The following CLCN5 variants were observed in gnomAD, a reference collection of about 807,000 sequenced individuals.
CLCN5 encodes the protein H(+)/Cl(-) exchange transporter 5.
A neutral mutation model predicts 54.0 loss-of-function variants in CLCN5; 17 were observed. That is an observed-to-expected ratio of 0.31 (90% confidence interval 0.22 to 0.47). The LOEUF is 0.47. Ranked by LOEUF, CLCN5 falls within the 20% of genes least tolerant of loss-of-function variation. The pLI is 1.00. For synonymous variants in CLCN5, 222 were observed against 233.0 expected (o/e 0.95, Z 0.43); for missense variants, 448 against 646.7 (o/e 0.69, Z 3.33).
In CLCN5 at chrX:49,957,780, A is replaced by G. The variant is rs782395468; in HGVS notation, c.16+32466A>G. Among the ~76,000 whole-genome samples the G allele has an allele frequency of 3.6e-5, 4 of 112,314 alleles. No individual in the cohort carries two copies. The South Asian group carries it at 1.5e-3, about 42-fold the overall frequency. On this transcript the variant is annotated intron_variant, in intron 3 of 14. Transcript: ENST00000376091. ...TTCTTTAAAAACTCTTTTTATTTTA[A>G]AAACAATTATTGATTCAGATAATTA...
rs67216427 is a variant in CLCN5 at position 49,989,074 on chromosome X, CTT to C, written c.17-53228_17-53227del. ...TCTACTTACACTTAATATCATACCTCTTTTTTTTTTTTTTTGGAGACAGGTTC... is the reference window on the plus strand; with the variant it reads ...TCTACTTACACTTAATATCATACCTCTTTTTTTTTTTTTGGAGACAGGTTC... On this transcript the variant is annotated intron_variant, in intron 3 of 14. Transcript: ENST00000376091. Among the ~76,000 whole-genome samples, 749 of 97,808 alleles carry C rather than the reference CTT, an allele frequency of 7.7e-3. 14 individuals are homozygous for C. Among genetic ancestry groups the C allele is most frequent in the African/African-American group, 0.027 (702 of 25,617 alleles). 84.9% of individuals were successfully genotyped at this position (97,808 alleles called of 115,157 possible). A position where few individuals can be genotyped will look rare whatever the true frequency, so the allele number is the denominator to read the frequency against.
intron 3 of CLCN5, among the ~76,000 whole-genome samples, chrX:49,966,156 T>G (rs1273565439): frequency 1.8e-5 from 2 of 111,558 alleles, no homozygotes; most frequent in Admixed American, 9.6e-5. Context: ...TATTATTTCT[T>G]CCTTCAATGT....
intron 3 of CLCN5, among the ~76,000 whole-genome samples, chrX:49,964,102 G>A (rs1381927092): frequency 8.9e-6 from 1 of 112,129 alleles, no homozygotes; most frequent in Non-Finnish European, 1.9e-5. Context: ...AAACGATGTC[G>A]AGAAAAATTG....
rs1469578420 is a variant in CLCN5 at position 50,092,640 on chromosome X, A to T, written c.*421A>T. ...GGGATCTAACTGTTGTTACTGGAAGACGAAGTGTAAACTAAGGGGCTTTGC... is the reference window on the plus strand; with the variant it reads ...GGGATCTAACTGTTGTTACTGGAAGTCGAAGTGTAAACTAAGGGGCTTTGC... On this transcript the variant is annotated 3_prime_UTR_variant, in exon 15 of 15. Transcript: ENST00000376091. 7.4e-6 allele frequency: 1 copy of T among 134,842 alleles called. No individual in the cohort carries two copies. The highest frequency in any genetic ancestry group is 1.5e-5 in the Non-Finnish European group (1 of 66,960). The allele number at this position is 134,842 out of a possible 1,213,427, so 11.1% of individuals were successfully genotyped here.
At chrX:50,001,309 T>C (rs1929792977) in intron 3 of CLCN5, among the ~76,000 whole-genome samples, 1 of 110,881 alleles carries the variant, frequency 9.0e-6, no homozygotes, top group Non-Finnish European at 1.9e-5. Context: ...ACATATCCTG[T>C]CTAAAAATAA....
chrX:50,056,529 C>T (rs1400244121), intron 4 of CLCN5, among the ~76,000 whole-genome samples: 1 of 111,832 alleles, frequency 8.9e-6, no homozygotes, highest in Non-Finnish European at 1.9e-5. Context: ...ACATTGCTTT[C>T]TGTGGCATCT....
chrX:50,076,959 C>G (rs1354877774), intron 7 of CLCN5, among the ~76,000 whole-genome samples: 1 of 112,157 alleles, frequency 8.9e-6, no homozygotes, highest in Non-Finnish European at 1.9e-5. Flanking sequence ...AAAAAACTCT[C>G]AACTCCCAAT....
At chrX:50,002,731 C>T (rs782749041) in intron 3 of CLCN5, among the ~76,000 whole-genome samples, 12 of 107,507 alleles carry the variant, frequency 1.1e-4, no homozygotes, top group Admixed American at 7.1e-4. Context: ...TGTGTGTGGA[C>T]ACAAAGTGGT....
intron 3 of CLCN5, chrX:50,013,193 T>G (rs901550427): frequency 1.5e-5 from 4 of 260,783 alleles, no homozygotes; most frequent in African/African-American, 3.0e-5. Context: ...CTTTCTGTCT[T>G]TCTTTCTCTC....
intron 11 of CLCN5, 65 bp from the exon 12 acceptor site, chrX:50,088,633 G>T (rs1274100415): frequency 1.4e-5 from 15 of 1,052,663 alleles, no homozygotes; most frequent in Non-Finnish European, 2.0e-5. Flanking sequence ...CAGTCCTCCA[G>T]CCCTTACCAT....
intron 3 of CLCN5, among the ~76,000 whole-genome samples, chrX:49,969,009 T>C (rs1399121503): frequency 6.3e-5 from 7 of 111,754 alleles, no homozygotes; most frequent in African/African-American, 2.3e-4. Flanking sequence ...ACTTTGGGTT[T>C]ATTTTGCTTT....
At chrX:50,057,439 T>C (rs868961859) in intron 4 of CLCN5, among the ~76,000 whole-genome samples, 515 of 48,140 alleles carry the variant, frequency 0.011, 11 homozygotes, top group African/African-American at 0.043. Context: ...CCTGGATAGA[T>C]ACTATCCAGG....
At chrX:50,018,406 A>C (rs1335540924) in intron 3 of CLCN5, among the ~76,000 whole-genome samples, 4 of 112,142 alleles carry the variant, frequency 3.6e-5, no homozygotes, top group African/African-American at 1.3e-4. Context: ...TCATCAGTGA[A>C]AAAAAAGTTT....
intron 3 of CLCN5, among the ~76,000 whole-genome samples, chrX:49,934,383 G>A (rs1925813187): frequency 9.0e-6 from 1 of 110,989 alleles, no homozygotes; most frequent in African/African-American, 3.3e-5. Flanking sequence ...CAAGGGTTGG[G>A]GGAGGCAGGA....
chrX:49,936,502 G>C (rs1344743841), intron 3 of CLCN5, among the ~76,000 whole-genome samples: 1 of 112,060 alleles, frequency 8.9e-6, no homozygotes, highest in Non-Finnish European at 1.9e-5. Flanking sequence ...CGTTTGGATG[G>C]GGCAAGGCTA....
rs1320562489 is a variant in CLCN5 at position 50,001,233 on chromosome X, C to T, written c.17-41083C>T. 1.3e-4 allele frequency among the ~76,000 whole-genome samples: 14 copies of T among 111,004 alleles called. No homozygotes were observed. In the East Asian group the frequency reaches 4.0e-3, roughly 32 times the overall value. On this transcript the variant is annotated intron_variant, in intron 3 of 14. Transcript: ENST00000376091. The stretch of plus-strand genomic sequence containing the variant: ...GTGCTCCTGCAATTGATCCCCCTCT[C>T]CTTACTGCATCATCAACTGTTCTTT...
At chrX:50,056,798 C>T (rs1316351984) in intron 4 of CLCN5, among the ~76,000 whole-genome samples, 1 of 112,021 alleles carries the variant, frequency 8.9e-6, no homozygotes, top group African/African-American at 3.2e-5. Flanking sequence ...TGAATTCATG[C>T]TTGTCTCCAC....
At chrX:49,947,841 G>A (rs890761646) in intron 3 of CLCN5, among the ~76,000 whole-genome samples, 6 of 111,154 alleles carry the variant, frequency 5.4e-5, no homozygotes, top group African/African-American at 2.0e-4. Context: ...CTCAGAGATT[G>A]AGGGACGTGA....
intron 7 of CLCN5, 39 bp from the exon 8 acceptor site, chrX:50,080,555 G>C: frequency 8.4e-7 from 1 of 1,186,787 alleles, no homozygotes; most frequent in Non-Finnish European, 1.1e-6. Flanking sequence ...CACTGAAGCT[G>C]TCTAGGCTAA....
Sources: gnomAD v4.1 joint callset for allele counts (sites outside exome capture counted in the v4.1 genomes callset) on GRCh38, gnomAD v4.1.1 for gene constraint, MANE v1.5 for transcripts, NCBI Gene and HGNC (gene_info 2026-07-23, HGNC 2026-07-21) for gene names.